OCA2: variants seen among roughly 807,000 people sequenced by gnomAD.
OCA2 encodes the protein P protein.
Under a neutral mutation model 100.2 loss-of-function variants are expected in OCA2, and 77 were observed. The ratio of observed to expected loss-of-function variants is 0.77; its 90% CI spans 0.64 to 0.93. The LOEUF (loss-of-function observed/expected upper bound fraction) is 0.93, where lower values mean the gene tolerates loss of function less well. Among genes scored for constraint, OCA2 ranks in the 40% least tolerant of loss-of-function variants. The pLI, the probability that OCA2 is intolerant of heterozygous loss-of-function variation, is 0.00. For synonymous variants in OCA2, 432 were observed against 439.2 expected (o/e 0.98, Z 0.21); for missense variants, 1,062 against 1,089.1 (o/e 0.98, Z 0.35).
At chr15:27,881,920 G>T (rs2037034540) in intron 19 of OCA2, among the ~76,000 whole-genome samples, 1 of 152,044 alleles carries the variant, frequency 6.6e-6, no homozygotes, top group African/African-American at 2.4e-5. Flanking sequence ...TAGCTTTAGG[G>T]TTTGTTTGCT....
intron 18 of OCA2, among the ~76,000 whole-genome samples, chr15:27,940,881 ATAATT>A (rs2039622975): frequency 6.6e-6 from 1 of 152,242 alleles, no homozygotes; most frequent in Non-Finnish European, 1.5e-5. Context: ...CTATTCTCTC[ATAATT>A]TATTTAAATT....
chr15:28,061,771 C>G (rs1467916039), intron 2 of OCA2, among the ~76,000 whole-genome samples: 1 of 152,160 alleles, frequency 6.6e-6, no homozygotes, highest in Non-Finnish European at 1.5e-5. Flanking sequence ...TTACAGTAGC[C>G]TTAATGGACT....
intron 18 of OCA2, among the ~76,000 whole-genome samples, chr15:27,935,673 T>C (rs1446769686): frequency 6.6e-6 from 1 of 152,252 alleles, no homozygotes; most frequent in Non-Finnish European, 1.5e-5. Context: ...TATATTCCTC[T>C]GATATGCTCA....
At chr15:28,097,311 AGT>A (rs1278119427) in intron 1 of OCA2, among the ~76,000 whole-genome samples, 1 of 152,240 alleles carries the variant, frequency 6.6e-6, no homozygotes, top group Non-Finnish European at 1.5e-5. Flanking sequence ...CCTGCAGGTC[AGT>A]GACAGAACCC....
intron 23 of OCA2, among the ~76,000 whole-genome samples, chr15:27,777,447 T>C (rs1040202802): frequency 1.3e-5 from 2 of 152,188 alleles, no homozygotes; most frequent in Admixed American, 1.3e-4. Flanking sequence ...ATTGCTTCTC[T>C]AGCTGGAAAA....
At chr15:27,868,526 G>C (rs577321909) in intron 21 of OCA2, among the ~76,000 whole-genome samples, 3 of 152,074 alleles carry the variant, frequency 2.0e-5, no homozygotes, top group African/African-American at 7.2e-5. Context: ...TCACGCTCAC[G>C]GAAGCAGAGA....
intron 19 of OCA2, among the ~76,000 whole-genome samples, chr15:27,906,077 GGTTA>G (rs1293320909): frequency 6.6e-6 from 1 of 152,144 alleles, no homozygotes; most frequent in African/African-American, 2.4e-5. Flanking sequence ...CAAAAAATAG[GGTTA>G]GTTAGAAGTA....
the OCA2 span, among the ~76,000 whole-genome samples, chr15:27,745,651 T>C: frequency 6.6e-6 from 1 of 152,238 alleles, no homozygotes. Context: ...AAATTTACGC[T>C]GTGTAGAGAA....
At chr15:28,062,869 AT>A (rs1566855729) in intron 2 of OCA2, among the ~76,000 whole-genome samples, 1 of 152,204 alleles carries the variant, frequency 6.6e-6, no homozygotes, top group Non-Finnish European at 1.5e-5. Flanking sequence ...GAATTTACAT[AT>A]AAGAGTTTAT....
intron 13 of OCA2, among the ~76,000 whole-genome samples, chr15:27,984,703 G>A (rs554943049): frequency 1.3e-5 from 2 of 152,294 alleles, no homozygotes; most frequent in South Asian, 4.1e-4. Flanking sequence ...TGGGATTACA[G>A]GCACGTGCCA....
intron 23 of OCA2, among the ~76,000 whole-genome samples, chr15:27,769,393 G>A: frequency 6.6e-6 from 1 of 152,304 alleles, no homozygotes; most frequent in South Asian, 2.1e-4. Flanking sequence ...GGGAAATGGG[G>A]CAGCCCCAGA....
chr15:27,824,791 G>C (rs1416031356), intron 23 of OCA2, among the ~76,000 whole-genome samples: 1 of 151,722 alleles, frequency 6.6e-6, no homozygotes, highest in African/African-American at 2.4e-5. Context: ...ACTCAGGTGT[G>C]CACACACGTA....
intron 19 of OCA2, among the ~76,000 whole-genome samples, chr15:27,910,660 A>T (rs1439434158): frequency 3.8e-5 from 3 of 78,848 alleles, no homozygotes; most frequent in Admixed American, 1.6e-4. Flanking sequence ...ATTTATGTTA[A>T]AAAAAAAAAA....
chr15:28,011,807 A>G (rs1308019618), intron 9 of OCA2, among the ~76,000 whole-genome samples: 2 of 151,930 alleles, frequency 1.3e-5, no homozygotes, highest in Admixed American at 1.3e-4. Flanking sequence ...AGTTTTAGCT[A>G]CTTGGGAGGC....
intron 19 of OCA2, among the ~76,000 whole-genome samples, chr15:27,907,818 A>T (rs1380595613): frequency 6.6e-6 from 1 of 152,198 alleles, no homozygotes; most frequent in Non-Finnish European, 1.5e-5. Context: ...CTGATTTAGA[A>T]AGCTTAAACA....
At chr15:27,999,954 G>A (rs578140514) in intron 9 of OCA2, among the ~76,000 whole-genome samples, 8 of 152,232 alleles carry the variant, frequency 5.3e-5, no homozygotes, top group African/African-American at 1.9e-4. Context: ...CATGAATGAA[G>A]AAATCAAAGA....
At chr15:27,775,004 T>TTAGTTTG (rs60025291) in intron 23 of OCA2, among the ~76,000 whole-genome samples, 72,072 of 151,044 alleles carry the variant, frequency 0.48, 17,873 homozygotes, top group East Asian at 0.59. Context: ...CCAGCCCTCT[T>TTAGTTTG]TAGTTTGTAG....
intron 9 of OCA2, among the ~76,000 whole-genome samples, chr15:28,000,538 T>C (rs1428915100): frequency 6.6e-6 from 1 of 152,168 alleles, no homozygotes; most frequent in Non-Finnish European, 1.5e-5. Flanking sequence ...AAAAGCTCCT[T>C]GATGCTGGTC....
At chr15:27,944,696 A>G (rs1340505850) in intron 18 of OCA2, among the ~76,000 whole-genome samples, 1 of 152,084 alleles carries the variant, frequency 6.6e-6, no homozygotes, top group Non-Finnish European at 1.5e-5. Flanking sequence ...TTACACCCTC[A>G]ACCAATTGGC....
Sources: gnomAD v4.1 joint callset for allele counts (sites outside exome capture counted in the v4.1 genomes callset) on GRCh38, gnomAD v4.1.1 for gene constraint, MANE v1.5 for transcripts, NCBI Gene and HGNC (gene_info 2026-07-23, HGNC 2026-07-21) for gene names.